Variants in MEF2A observed in about 807,000 individuals in gnomAD.
MEF2A encodes myocyte-specific enhancer factor 2A.
MEF2A carries 28 observed loss-of-function variants against 55.8 expected under a neutral mutation model. That is an observed-to-expected ratio of 0.50 (90% CI 0.37 to 0.69). The LOEUF (loss-of-function observed/expected upper bound fraction) is 0.69. Among genes scored for constraint, MEF2A ranks in the 30% least tolerant of loss-of-function variants. MEF2A has a pLI of 0.00. For missense variants in MEF2A, 528 were observed against 626.2 expected (o/e 0.84, Z 1.67); for synonymous variants, 239 against 227.1 (o/e 1.05, Z -0.47).
chr15:99,683,409 A>AT (rs1015698520), intron 7 of MEF2A, among the ~76,000 whole-genome samples: 4 of 152,120 alleles, frequency 2.6e-5, no homozygotes, highest in Non-Finnish European at 4.4e-5. Context: ...GAACTCAGAA[A>AT]TTCTTTTGTT....
chr15:99,710,500 C>T (rs2058520476), intron 10 of MEF2A, 134 bp from the exon 11 acceptor site: 3 of 1,142,420 alleles, frequency 2.6e-6, no homozygotes, highest in Admixed American at 2.3e-5. Flanking sequence ...ATCTTGGCCT[C>T]CCAAAGTGCT....
chr15:99,688,423 T>G (rs2054714572), intron 7 of MEF2A, among the ~76,000 whole-genome samples: 2 of 152,206 alleles, frequency 1.3e-5, no homozygotes, highest in Admixed American at 1.3e-4. Flanking sequence ...TTGTATCAGC[T>G]TTTTCCTCAT....
chr15:99,693,621 A>T (rs868277779), intron 8 of MEF2A, among the ~76,000 whole-genome samples: 7 of 152,224 alleles, frequency 4.6e-5, no homozygotes, highest in Admixed American at 1.3e-4. Context: ...GAAATTTTTT[A>T]AAAATTCCTC....
chr15:99,637,888 C>T lies in MEF2A; in HGVS notation c.54+4715C>T, dbSNP rs150150780. On this transcript the variant is annotated intron_variant, in intron 3 of 11. Coordinates refer to ENST00000557942, the MANE Select transcript of MEF2A (RefSeq NM_001319206.4). Reference sequence around the variant, plus strand: ...TTGATCTCCTGACCTCGTGATCTGCCCGCCTCGGCCTCCCAAAGTGTTGGA... The same window carrying T: ...TTGATCTCCTGACCTCGTGATCTGCTCGCCTCGGCCTCCCAAAGTGTTGGA... 8.9e-3 allele frequency among the ~76,000 whole-genome samples: 1,359 copies of T among 152,266 alleles called. 10 individuals carry two copies. The highest frequency in any genetic ancestry group is 0.068 in the Middle Eastern group (20 of 294).
At chr15:99,600,314 G>C (rs1249940054) in intron 2 of MEF2A, among the ~76,000 whole-genome samples, 1 of 152,126 alleles carries the variant, frequency 6.6e-6, no homozygotes, top group African/African-American at 2.4e-5. Flanking sequence ...GGCCTTCTAT[G>C]GTTCTATGGG....
intron 4 of MEF2A, among the ~76,000 whole-genome samples, chr15:99,662,847 G>T (rs1200744803): frequency 1.3e-5 from 2 of 152,202 alleles, no homozygotes; most frequent in Admixed American, 6.5e-5. Flanking sequence ...TACTTAGCCG[G>T]TGTTTATGGA....
chr15:99,645,870 T>C (rs1012926606), intron 4 of MEF2A, 106 bp downstream of exon 4: 14 of 759,998 alleles, frequency 1.8e-5, no homozygotes, highest in Admixed American at 6.0e-5. Flanking sequence ...AAATTAGGTG[T>C]ATATGTATCT....
intron 4 of MEF2A, among the ~76,000 whole-genome samples, chr15:99,663,972 G>C (rs924878489): frequency 4.6e-5 from 7 of 152,120 alleles, no homozygotes; most frequent in Admixed American, 2.0e-4. Flanking sequence ...GAATTTGAAA[G>C]GTAAGGTTGT....
At chr15:99,640,035 T>G (rs1013325063) in intron 3 of MEF2A, among the ~76,000 whole-genome samples, 2 of 152,218 alleles carry the variant, frequency 1.3e-5, no homozygotes, top group African/African-American at 4.8e-5. Flanking sequence ...TTCAGTAGAT[T>G]GTGAGCCTTT....
chr15:99,649,735 CA>C (rs2046533928), intron 4 of MEF2A, among the ~76,000 whole-genome samples: 1 of 152,076 alleles, frequency 6.6e-6, no homozygotes, highest in African/African-American at 2.4e-5. Flanking sequence ...ATTGTTCATA[CA>C]CATGCATATG....
intron 4 of MEF2A, among the ~76,000 whole-genome samples, chr15:99,650,345 TTTATAC>T (rs2153509817): frequency 6.6e-6 from 1 of 152,288 alleles, no homozygotes; most frequent in African/African-American, 2.4e-5. Context: ...TAGATAAGAT[TTTATAC>T]ATACACCAAT....
Position 99,633,163 on chromosome 15 carries a change from G to A in MEF2A, c.44G>A (p.Arg15Lys). The A allele has an allele frequency of 6.4e-7, 1 of 1,573,940 alleles. No individual in the cohort carries two copies. Among genetic ancestry groups the A allele is most frequent in the Non-Finnish European group, 8.6e-7 (1 of 1,164,550 alleles). Residue 15 changes from arginine to lysine, a missense_variant, in exon 3 of 12, where the codon AGG (arginine) becomes AAG (lysine). Coordinates refer to ENST00000557942, the MANE Select transcript of MEF2A (RefSeq NM_001319206.4). The stretch of plus-strand genomic sequence containing the variant: ...CAAATCACACGCATAATGGATGAAA[G>A]GAACCGACAGGTAAATGAAAATTTT... ...KIQITRIMDERNRQVTFTKRK... is the reference protein window; with the variant it reads ...KIQITRIMDEKNRQVTFTKRK...
intron 2 of MEF2A, among the ~76,000 whole-genome samples, chr15:99,617,309 C>T (rs1381899528): frequency 2.0e-5 from 3 of 148,966 alleles, no homozygotes; most frequent in East Asian, 2.0e-4. Context: ...GGTATCTTTG[C>T]TTTCTATTTC....
Position 99,600,764 on chromosome 15 carries a change from A to G in MEF2A, c.-143+2253A>G, listed in dbSNP as rs1250318857. Among the ~76,000 whole-genome samples, 25 of 149,832 alleles carry G rather than the reference A, an allele frequency of 1.7e-4. No homozygotes were observed. The South Asian group carries it at 3.8e-3, about 23-fold the overall frequency. On this transcript the variant is annotated intron_variant, in intron 2 of 11. Coordinates refer to ENST00000557942, the MANE Select transcript of MEF2A (RefSeq NM_001319206.4). The stretch of plus-strand genomic sequence containing the variant: ...CTGTTCTGCTGATCTATATATCCTT[A>G]TGACAGTGCTTCACTGTCTTGATTA...
chr15:99,679,503 A>G (rs894121364), intron 7 of MEF2A, among the ~76,000 whole-genome samples: 1 of 152,216 alleles, frequency 6.6e-6, no homozygotes, highest in African/African-American at 2.4e-5. Flanking sequence ...AAAGCAGGCC[A>G]AAAAAACTAT....
intron 1 of MEF2A, among the ~76,000 whole-genome samples, chr15:99,595,009 C>T (rs1315909801): frequency 6.6e-6 from 1 of 152,114 alleles, no homozygotes; most frequent in East Asian, 1.9e-4. Flanking sequence ...AGTAGGCATT[C>T]ATTTTTTTTC....
chr15:99,643,368 T>C (rs1248946997), intron 3 of MEF2A, among the ~76,000 whole-genome samples: 1 of 152,196 alleles, frequency 6.6e-6, no homozygotes, highest in Non-Finnish European at 1.5e-5. Context: ...AATGTACTCT[T>C]AACAGCTTGT....
chr15:99,619,925 T>C (rs1350725262), intron 2 of MEF2A, among the ~76,000 whole-genome samples: 1 of 152,112 alleles, frequency 6.6e-6, no homozygotes, highest in Admixed American at 6.5e-5. Context: ...GAAGAAAGAG[T>C]AACTGGAAAT....
At chr15:99,692,462 C>T (rs946890477) in intron 8 of MEF2A, among the ~76,000 whole-genome samples, 1 of 151,650 alleles carries the variant, frequency 6.6e-6, no homozygotes, top group Non-Finnish European at 1.5e-5. Context: ...AACCAACTGG[C>T]CCAGATACTC....
Sources: allele counts gnomAD v4.1 joint callset (sites outside exome capture counted in the v4.1 genomes callset), GRCh38; gene constraint gnomAD v4.1.1; transcripts MANE v1.5; gene names NCBI Gene and HGNC (gene_info 2026-07-23, HGNC 2026-07-21).